The following INTS7 variants were observed in gnomAD, a reference collection of about 807,000 sequenced individuals.
INTS7 encodes the protein chromosome 1 open reading frame 73.
A neutral mutation model predicts 109.2 loss-of-function variants in INTS7; 46 were observed. That is an observed-to-expected ratio of 0.42 (90% confidence interval 0.33 to 0.54). The LOEUF is 0.54. Ranked by LOEUF, INTS7 falls within the 20% of genes least tolerant of loss-of-function variation. The pLI is 0.07. For missense variants in INTS7, 929 were observed against 1,132.4 expected (o/e 0.82, Z 2.58); for synonymous variants, 412 against 402.9 (o/e 1.02, Z -0.27).
At chr1:211,957,018 C>A (rs1663394130) in intron 16 of INTS7, among the ~76,000 whole-genome samples, 1 of 152,158 alleles carries the variant, frequency 6.6e-6, no homozygotes, top group Non-Finnish European at 1.5e-5. Context: ...TTCCAAGTGG[C>A]TGTATCATTG....
At chr1:211,944,588 C>T (rs958999652) in intron 19 of INTS7, among the ~76,000 whole-genome samples, 196 bp downstream of exon 19, 2 of 152,220 alleles carry the variant, frequency 1.3e-5, no homozygotes, top group African/African-American at 4.8e-5. Context: ...TGCTTTGTCT[C>T]TATCAACTGG....
At chr1:212,001,657 C>T (rs1665676406) in intron 7 of INTS7, among the ~76,000 whole-genome samples, 2 of 152,144 alleles carry the variant, frequency 1.3e-5, no homozygotes, top group Non-Finnish European at 2.9e-5. Context: ...CTTTTACCCA[C>T]AATGTTGCAG....
At chr1:212,002,788 G>A (rs1441611674) in intron 7 of INTS7, among the ~76,000 whole-genome samples, 1 of 152,196 alleles carries the variant, frequency 6.6e-6, no homozygotes, top group African/African-American at 2.4e-5. Context: ...TGACGTCTCT[G>A]CCTAGCGGAA....
chr1:211,985,325 T>C (rs1366057973), intron 8 of INTS7, among the ~76,000 whole-genome samples: 4 of 152,198 alleles, frequency 2.6e-5, no homozygotes, highest in Admixed American at 1.3e-4. Context: ...GATTTAGACA[T>C]ACTAAATTTA....
At chr1:212,008,876 C>T (rs1250332267) in intron 5 of INTS7, among the ~76,000 whole-genome samples, 1 of 152,190 alleles carries the variant, frequency 6.6e-6, no homozygotes, top group Non-Finnish European at 1.5e-5. Flanking sequence ...TTTCTACCTC[C>T]GTTGTTACCA....
At chr1:212,002,719 T>C (rs929487232) in intron 7 of INTS7, among the ~76,000 whole-genome samples, 1 of 152,236 alleles carries the variant, frequency 6.6e-6, no homozygotes, top group Non-Finnish European at 1.5e-5. Context: ...AACCTCCACC[T>C]TCCATATTCA....
rs897169000 is a variant in INTS7, at chr1:211,976,473, G to A, written c.1608+109C>T. 59 of 971,488 alleles carry A rather than the reference G, an allele frequency of 6.1e-5. No individual in the cohort carries two copies. In the Middle Eastern group the frequency reaches 7.6e-4, roughly 12 times the overall value. 60.2% of individuals were successfully genotyped at this position (971,488 alleles called of 1,614,324 possible). A position where few individuals can be genotyped will look rare whatever the true frequency, so the allele number is the denominator to read the frequency against. On this transcript the variant is annotated intron_variant, in intron 12 of 19. Coordinates refer to ENST00000366994, the MANE Select transcript of INTS7 (RefSeq NM_015434.4). ...CATCTTCAGAACCCATGACTAAAAG[G>A]TACTTCCATCTTTATTTTTAGTTTT...
chr1:211,969,551 C>CTTTTTT (rs36104773), intron 13 of INTS7, among the ~76,000 whole-genome samples: 88 of 84,998 alleles, frequency 1.0e-3, no homozygotes, highest in Non-Finnish European at 1.5e-3. Context: ...TTTTTCTTTT[C>CTTTTTT]TTTTTTTTTT....
chr1:212,007,945 C>T (rs776937244), intron 5 of INTS7, among the ~76,000 whole-genome samples: 2 of 152,136 alleles, frequency 1.3e-5, no homozygotes, highest in Non-Finnish European at 2.9e-5. Context: ...ATTGCATACA[C>T]GACTGGATCC....
intron 8 of INTS7, among the ~76,000 whole-genome samples, chr1:211,984,471 G>T (rs926462058): frequency 2.0e-5 from 3 of 151,868 alleles, no homozygotes; most frequent in Non-Finnish European, 4.4e-5. Flanking sequence ...TTCCCCCTAT[G>T]TACAACAGTA....
At chr1:212,012,113 C>T (rs573486290) in intron 4 of INTS7, among the ~76,000 whole-genome samples, 19 of 152,250 alleles carry the variant, frequency 1.2e-4, no homozygotes, top group African/African-American at 3.9e-4. Context: ...ATGGAGTGGA[C>T]GTGCTTCAGT....
intron 17 of INTS7, 180 bp downstream of exon 17, chr1:211,952,389 T>C (rs1663136805): frequency 3.9e-6 from 2 of 506,428 alleles, no homozygotes; most frequent in East Asian, 6.7e-5. Context: ...GCTAAGTACT[T>C]TCATGGATTA....
intron 16 of INTS7, among the ~76,000 whole-genome samples, chr1:211,953,837 T>G (rs1485578346): frequency 6.6e-6 from 1 of 151,966 alleles, no homozygotes; most frequent in Non-Finnish European, 1.5e-5. Flanking sequence ...TCTTTGCTAT[T>G]GTGAATAGTG....
rs11322485 is a variant in INTS7 at position 211,968,712 on chromosome 1, GAAAA to G, written c.1816-9_1816-6del. On this transcript the variant is annotated splice_polypyrimidine_tract_variant and splice_region_variant and intron_variant, in intron 13 of 19. Transcript: ENST00000366994. ...ATTCAGTGGTGTACTAGCTGCCTGGGAAAAAAAAAAAAAAGAGATATTTAAGACA... is the reference window on the plus strand; with the variant it reads ...ATTCAGTGGTGTACTAGCTGCCTGGGAAAAAAAAAAGAGATATTTAAGACA... The G allele has an allele frequency of 9.1e-5, 126 of 1,383,578 alleles. No homozygotes were observed. The highest frequency in any genetic ancestry group is 2.6e-4 in the South Asian group (19 of 74,320). The allele number at this position is 1,383,578 out of a possible 1,614,324, so 85.7% of individuals were successfully genotyped here.
At chr1:211,967,691 T>C (rs1006536143) in intron 15 of INTS7, among the ~76,000 whole-genome samples, 187 bp downstream of exon 15, 1 of 152,192 alleles carries the variant, frequency 6.6e-6, no homozygotes, top group African/African-American at 2.4e-5. Flanking sequence ...GTCACCATTT[T>C]TTGTTAAAAT....
Position 211,987,920 on chromosome 1 carries a change from G to A in INTS7, c.963C>T (p.Thr321=). The change falls in exon 8 of 20, where the codon ACC becomes ACT. Residue 321 remains threonine (T), a synonymous_variant. Transcript: ENST00000366994. ...MLSVLSTLSG[T]IAIKHYFSIV... is the part of the protein sequence containing the mutation. Reference sequence around the variant, plus strand: ...TACTGAAGTAATGTTTGATGGCGATGGTCCCTGATAGTGTGGAAAGGACAG... The same window carrying A: ...TACTGAAGTAATGTTTGATGGCGATAGTCCCTGATAGTGTGGAAAGGACAG... 1 of 1,608,440 alleles carries A rather than the reference G, an allele frequency of 6.2e-7. No homozygotes were observed. The highest frequency in any genetic ancestry group is 8.5e-7 in the Non-Finnish European group (1 of 1,175,242).
chr1:211,986,662 A>T (rs1571877383), intron 8 of INTS7, among the ~76,000 whole-genome samples: 1 of 152,294 alleles, frequency 6.6e-6, no homozygotes, highest in East Asian at 1.9e-4. Context: ...ATATTCTGGA[A>T]ACAAATGTTG....
rs1664026864 is a variant in INTS7, at chr1:211,968,790, G to A, written c.1816-83C>T. The A allele has an allele frequency of 1.5e-5, 16 of 1,040,840 alleles. No homozygotes were observed. In the South Asian group the frequency reaches 3.0e-4, roughly 20 times the overall value. The allele number at this position is 1,040,840 out of a possible 1,614,324, so 64.5% of individuals were successfully genotyped here. ...GGCAGTACCAAGTATTTATCAGTTT[G>A]TGGTCAAGTGCAGTAGTTCTCTAAA... On this transcript the variant is annotated intron_variant, in intron 13 of 19. Transcript: ENST00000366994.
intron 18 of INTS7, among the ~76,000 whole-genome samples, chr1:211,945,641 CATT>C (rs1267507079): frequency 1.3e-5 from 2 of 152,184 alleles, no homozygotes; most frequent in Non-Finnish European, 2.9e-5. Flanking sequence ...AAATCTTCCT[CATT>C]ATTCCAGTCA....
Sources: allele counts gnomAD v4.1 joint callset (sites outside exome capture counted in the v4.1 genomes callset), GRCh38; gene constraint gnomAD v4.1.1; transcripts MANE v1.5; gene names NCBI Gene and HGNC (gene_info 2026-07-23, HGNC 2026-07-21).